The following TBC1D19 variants were observed in gnomAD, a reference collection of about 807,000 sequenced individuals.
TBC1D19 encodes TBC1 domain family member 19.
TBC1D19 carries 60 observed loss-of-function variants against 89.0 expected under a neutral mutation model. The observed-to-expected ratio is 0.67, with a 90% CI of 0.55 to 0.84. TBC1D19 has a LOEUF of 0.84. Ranked by LOEUF, TBC1D19 falls within the 40% of genes least tolerant of loss-of-function variation. The probability of loss-of-function intolerance (pLI) is 0.00; values close to 1 mark genes in which losing one functional copy is unlikely to be tolerated. For missense variants in TBC1D19, 500 were observed against 610.8 expected, an observed-to-expected ratio of 0.82 and a Z score of 1.91; for synonymous variants, 189 against 199.7, an observed-to-expected ratio of 0.95 and a Z score of 0.45.
chr4:26,771,998 T>C, the TBC1D19 span, among the ~76,000 whole-genome samples: 1 of 151,952 alleles, frequency 6.6e-6, no homozygotes, highest in African/African-American at 2.4e-5. Context: ...TCCAGACTGA[T>C]TAGGGAAAAA....
chr4:26,737,141 T>C (rs1039609396), intron 16 of TBC1D19, among the ~76,000 whole-genome samples: 17 of 152,100 alleles, frequency 1.1e-4, no homozygotes, highest in Admixed American at 1.1e-3. Flanking sequence ...TATAAAACTA[T>C]CGTTCAATGA....
chr4:26,596,600 A>G (rs1325332929), intron 1 of TBC1D19, among the ~76,000 whole-genome samples: 4 of 125,478 alleles, frequency 3.2e-5, no homozygotes, highest in African/African-American at 1.1e-4. Flanking sequence ...TCAGTTCTTT[A>G]TTATTACTTT....
At chr4:26,657,829 A>G (rs1240874763) in intron 7 of TBC1D19, among the ~76,000 whole-genome samples, 1 of 152,226 alleles carries the variant, frequency 6.6e-6, no homozygotes, top group Admixed American at 6.5e-5. Context: ...CATTTCTCTA[A>G]TTAGCAGTAA....
intron 15 of TBC1D19, among the ~76,000 whole-genome samples, chr4:26,722,959 C>T (rs1321938205): frequency 6.6e-6 from 1 of 152,050 alleles, no homozygotes; most frequent in African/African-American, 2.4e-5. Flanking sequence ...ATCAGGATGC[C>T]CTACTGCCTC....
intron 7 of TBC1D19, among the ~76,000 whole-genome samples, chr4:26,652,521 G>T (rs866319604): frequency 6.6e-6 from 1 of 152,138 alleles, no homozygotes; most frequent in East Asian, 1.9e-4. Flanking sequence ...GATTACAGGC[G>T]TGAGCCACCG....
At chr4:26,739,165 G>A (rs1209613227) in intron 16 of TBC1D19, among the ~76,000 whole-genome samples, 3 of 152,164 alleles carry the variant, frequency 2.0e-5, no homozygotes, top group Non-Finnish European at 4.4e-5. Context: ...GCCAATCCAA[G>A]ATTAGGACTT....
chr4:26,728,789 G>A (rs1467012953), intron 15 of TBC1D19, among the ~76,000 whole-genome samples: 7 of 152,076 alleles, frequency 4.6e-5, no homozygotes, highest in Non-Finnish European at 1.0e-4. Context: ...TGAGGCGGGC[G>A]GATCACGAGG....
downstream of TBC1D19, among the ~76,000 whole-genome samples, chr4:26,758,709 G>A (rs552501564): frequency 3.3e-5 from 5 of 152,290 alleles, no homozygotes; most frequent in East Asian, 1.9e-4. Flanking sequence ...TCCCCAGATC[G>A]TGCTGCACCA....
chr4:26,600,729 G>A (rs1441250447), intron 1 of TBC1D19, among the ~76,000 whole-genome samples: 1 of 152,176 alleles, frequency 6.6e-6, no homozygotes, highest in African/African-American at 2.4e-5. Flanking sequence ...TCCATCCTCA[G>A]GTGAGAGAAA....
At chr4:26,768,175 G>A in the TBC1D19 span, among the ~76,000 whole-genome samples, 1 of 152,174 alleles carries the variant, frequency 6.6e-6, no homozygotes, top group Non-Finnish European at 1.5e-5. Flanking sequence ...ATTAAAGGGA[G>A]TAATCTCTTG....
At chr4:26,665,751 G>A (rs1294363330) in intron 8 of TBC1D19, among the ~76,000 whole-genome samples, 2 of 151,978 alleles carry the variant, frequency 1.3e-5, no homozygotes, top group African/African-American at 4.8e-5. Context: ...AAATTGGTAA[G>A]TGATATGCAT....
intron 7 of TBC1D19, among the ~76,000 whole-genome samples, chr4:26,641,855 GA>G (rs1743565706): frequency 2.0e-5 from 3 of 152,236 alleles, no homozygotes; most frequent in African/African-American, 7.2e-5. Context: ...TGAATGAAAT[GA>G]AGTGAAAAGA....
Position 26,744,841 on chromosome 4 carries a change from T to A in TBC1D19, c.1319+2242T>A, listed in dbSNP as rs74427134. Among the ~76,000 whole-genome samples, 638 of 152,254 alleles carry A rather than the reference T, an allele frequency of 4.2e-3. 14 individuals are homozygous for A. In the East Asian group the frequency reaches 0.066, roughly 16 times the overall value. On this transcript the variant is annotated intron_variant, in intron 18 of 20. Coordinates refer to ENST00000264866, the MANE Select transcript of TBC1D19 (RefSeq NM_018317.4). ...CTGAAAAAAATTTGTATTCTGCAAG[T>A]ATCGGGCAGAATGTCATATAAATGT... is the stretch of plus-strand genomic sequence containing the variant.
the TBC1D19 span, among the ~76,000 whole-genome samples, chr4:26,802,036 T>G: frequency 6.6e-6 from 1 of 152,162 alleles, no homozygotes; most frequent in Non-Finnish European, 1.5e-5. Flanking sequence ...TGGGCCACAT[T>G]TGTTATGATT....
chr4:26,726,196 A>G (rs1442715559), intron 15 of TBC1D19, among the ~76,000 whole-genome samples: 1 of 149,690 alleles, frequency 6.7e-6, no homozygotes, highest in Non-Finnish European at 1.5e-5. Context: ...AACATTTGGC[A>G]ATGTCTGAAG....
At chr4:26,686,926 T>C (rs1713863602) in intron 12 of TBC1D19, among the ~76,000 whole-genome samples, 1 of 152,216 alleles carries the variant, frequency 6.6e-6, no homozygotes, top group Non-Finnish European at 1.5e-5. Context: ...CCATGGATTT[T>C]TGTAACATTT....
At chr4:26,586,992 G>A (rs550283960) in intron 1 of TBC1D19, among the ~76,000 whole-genome samples, 1 of 152,254 alleles carries the variant, frequency 6.6e-6, no homozygotes, top group African/African-American at 2.4e-5. Context: ...ATGTTTTGCA[G>A]ATGCTTTTTT....
the TBC1D19 span, among the ~76,000 whole-genome samples, chr4:26,804,271 G>A: frequency 1.9e-3 from 285 of 152,066 alleles, no homozygotes; most frequent in African/African-American, 6.5e-3. Flanking sequence ...TCAGCCTCCC[G>A]AGTAGCTGGG....
the TBC1D19 span, among the ~76,000 whole-genome samples, chr4:26,771,036 C>T: frequency 6.6e-6 from 1 of 152,006 alleles, no homozygotes; most frequent in African/African-American, 2.4e-5. Flanking sequence ...CATCAGTGAT[C>T]TTGGTTTCTA....
Sources: allele counts gnomAD v4.1 joint callset (sites outside exome capture counted in the v4.1 genomes callset), GRCh38; gene constraint gnomAD v4.1.1; transcripts MANE v1.5; gene names NCBI Gene and HGNC (gene_info 2026-07-23, HGNC 2026-07-21).